CCDC33: variants seen among roughly 807,000 people sequenced by gnomAD.
CCDC33 encodes the protein coiled-coil domain containing 33, also known as coiled-coil domain-containing protein 33.
A neutral mutation model predicts 91.9 loss-of-function variants in CCDC33; 94 were observed. The ratio of observed to expected loss-of-function variants is 1.02; its 90% confidence interval spans 0.87 to 1.21. The LOEUF (loss-of-function observed/expected upper bound fraction) is 1.21, where lower values mean the gene tolerates loss of function less well. Among genes scored for constraint, CCDC33 ranks in the 50% most tolerant of loss-of-function variants. The pLI, the probability that CCDC33 is intolerant of heterozygous loss-of-function variation, is 0.00. For synonymous variants in CCDC33, 396 were observed against 374.5 expected (o/e 1.06, Z -0.66); for missense variants, 940 against 935.5 (o/e 1.00, Z -0.06).
chr15:74,221,156 A>G, intron 2 of CCDC33: 1 of 954,482 alleles, frequency 1.0e-6, no homozygotes, highest in Non-Finnish European at 1.2e-6. Context: ...AATCTATTCA[A>G]TTCAGAACTT....
chr15:74,279,021 C>T (rs2076521659), intron 7 of CCDC33, among the ~76,000 whole-genome samples: 1 of 152,198 alleles, frequency 6.6e-6, no homozygotes, highest in Admixed American at 6.5e-5. Context: ...TCATGTCTAA[C>T]TTGGCATCTG....
At chr15:74,242,199 A>T (rs1469050125) in intron 1 of CCDC33, among the ~76,000 whole-genome samples, 1 of 152,242 alleles carries the variant, frequency 6.6e-6, no homozygotes, top group African/African-American at 2.4e-5. Context: ...GGTCGGTCCA[A>T]GTCCTCATCT....
intron 1 of CCDC33, among the ~76,000 whole-genome samples, chr15:74,207,381 C>G (rs911916406): frequency 6.6e-6 from 1 of 152,092 alleles, no homozygotes; most frequent in African/African-American, 2.4e-5. Context: ...CAGTATTGCC[C>G]CCAAGAAGCC....
At chr15:74,212,529 GCCAT>G (rs1445618851), upstream of CCDC33, 2 of 152,330 alleles carry the variant, frequency 1.3e-5, no homozygotes, top group African/African-American at 4.8e-5. Context: ...GGAACGGAGT[GCCAT>G]CCAATGGCAC....
chr15:74,242,868 G>A (rs1035102041), intron 1 of CCDC33, among the ~76,000 whole-genome samples: 2 of 152,136 alleles, frequency 1.3e-5, no homozygotes, highest in Non-Finnish European at 2.9e-5. Context: ...CCACCTCTGG[G>A]CCTTGGAAAG....
chr15:74,236,770 G>C (rs764133400), intron 1 of CCDC33, 30 bp downstream of exon 1: 54 of 1,610,846 alleles, frequency 3.4e-5, no homozygotes, highest in Admixed American at 2.5e-4. Flanking sequence ...CCATGCACCT[G>C]CATGAATCCG....
At chr15:74,313,513 G>A (rs542530821) in intron 11 of CCDC33, among the ~76,000 whole-genome samples, 19 of 143,876 alleles carry the variant, frequency 1.3e-4, no homozygotes, top group South Asian at 1.1e-3. Flanking sequence ...CCGCCTCCCC[G>A]GGTTCAAGCG....
chr15:74,332,857 TTGACCTGGGCCTGCCTA>T lies in CCDC33; in HGVS notation c.1938+15_1938+31del. 6.2e-7 allele frequency: 1 copy of T among 1,612,776 alleles called. No homozygotes were observed. Among genetic ancestry groups the T allele is most frequent in the Non-Finnish European group, 8.5e-7 (1 of 1,179,296 alleles). ...AACAGGCCCTGCCGGTAAGAGGCCC[TTGACCTGGGCCTGCCTA>T]TGCCGGTCACTGGGTGCCCAGAAAT... is the stretch of plus-strand genomic sequence containing the variant. On this transcript the variant is annotated intron_variant, in intron 16 of 18. Coordinates refer to ENST00000398814, the MANE Select transcript of CCDC33 (RefSeq NM_025055.5).
At chr15:74,265,708 A>G (rs2142392637) in intron 3 of CCDC33, among the ~76,000 whole-genome samples, 1 of 152,366 alleles carries the variant, frequency 6.6e-6, no homozygotes, top group South Asian at 2.1e-4. Flanking sequence ...ATGATTATTT[A>G]TAGGACATTG....
At chr15:74,263,201 G>A (rs1300550730) in intron 3 of CCDC33, among the ~76,000 whole-genome samples, 2 of 152,232 alleles carry the variant, frequency 1.3e-5, no homozygotes, top group Non-Finnish European at 2.9e-5. Context: ...CTTTCACACT[G>A]TGGGTCTGTT....
chr15:74,236,930 G>T (rs368868691), intron 1 of CCDC33, among the ~76,000 whole-genome samples, 190 bp downstream of exon 1: 16 of 152,298 alleles, frequency 1.1e-4, no homozygotes, highest in African/African-American at 3.6e-4. Flanking sequence ...TATACTCTTG[G>T]GCCACACGGG....
chr15:74,334,125 G>T (rs2060503176), intron 17 of CCDC33, among the ~76,000 whole-genome samples, 158 bp downstream of exon 17: 1 of 152,168 alleles, frequency 6.6e-6, no homozygotes, highest in Admixed American at 6.5e-5. Flanking sequence ...CAGGGTCAGG[G>T]CTCAGTGTAC....
At chr15:74,272,612 C>G (rs752119856) in intron 6 of CCDC33, among the ~76,000 whole-genome samples, 159 bp from the exon 7 acceptor site, 4 of 152,238 alleles carry the variant, frequency 2.6e-5, no homozygotes, top group Non-Finnish European at 5.9e-5. Context: ...GCACGCCCAG[C>G]CCAGTGGTCC....
intron 11 of CCDC33, among the ~76,000 whole-genome samples, chr15:74,308,165 C>T (rs1449711385): frequency 6.6e-6 from 1 of 152,182 alleles, no homozygotes; most frequent in Admixed American, 6.5e-5. Context: ...GACCTTTCAA[C>T]CCACGGGGCC....
chr15:74,268,192 G>A, intron 4 of CCDC33, 150 bp from the exon 5 acceptor site: 1 of 643,120 alleles, frequency 1.6e-6, no homozygotes, highest in South Asian at 1.7e-5. Context: ...CCTTGGAAGG[G>A]CTCACAGGGA....
intron 5 of CCDC33, 63 bp downstream of exon 5, chr15:74,268,521 G>A (rs879231321): frequency 1.3e-5 from 17 of 1,269,136 alleles, no homozygotes; most frequent in Admixed American, 8.6e-5. Context: ...CTTTGAGCAG[G>A]CCCCACGCCT....
intron 2 of CCDC33, among the ~76,000 whole-genome samples, chr15:74,245,749 C>A (rs1485356600): frequency 1.4e-4 from 9 of 65,964 alleles, no homozygotes; most frequent in African/African-American, 4.8e-4. Context: ...GCACGTGGGG[C>A]GGGAGGGTGG....
chr15:74,287,818 C>T (rs2059507310), intron 10 of CCDC33, among the ~76,000 whole-genome samples: 1 of 151,900 alleles, frequency 6.6e-6, no homozygotes, highest in African/African-American at 2.4e-5. Context: ...TCAAAGGAAG[C>T]TTAGGATGGG....
At chr15:74,249,719 C>T (rs1016900272) in intron 2 of CCDC33, among the ~76,000 whole-genome samples, 2 of 152,154 alleles carry the variant, frequency 1.3e-5, no homozygotes, top group African/African-American at 4.8e-5. Context: ...CTTATTGAAA[C>T]TGTGCTGGGT....
Sources: allele counts gnomAD v4.1 joint callset (sites outside exome capture counted in the v4.1 genomes callset), GRCh38; gene constraint gnomAD v4.1.1; transcripts MANE v1.5; gene names NCBI Gene and HGNC (gene_info 2026-07-23, HGNC 2026-07-21).